Variants in LZIC observed in about 807,000 individuals in gnomAD.
LZIC encodes protein LZIC.
LZIC carries 28 observed loss-of-function variants against 25.4 expected under a neutral mutation model. That is an observed-to-expected ratio of 1.10 (90% CI 0.82 to 1.51). The LOEUF (loss-of-function observed/expected upper bound fraction) is 1.51, where lower values mean the gene tolerates loss of function less well. LZIC is among the 40% of genes most tolerant of loss of function. The pLI is 0.00. For missense variants in LZIC, 170 were observed against 211.1 expected (o/e 0.81, Z 1.21); for synonymous variants, 65 against 70.7 (o/e 0.92, Z 0.40).
intron 2 of LZIC, among the ~76,000 whole-genome samples, chr1:9,940,406 C>T (rs1640661578): frequency 6.6e-6 from 1 of 152,104 alleles, no homozygotes; most frequent in African/African-American, 2.4e-5. Context: ...GTCTCGATCT[C>T]CTGACCTCGT....
At chr1:9,925,096 G>A (rs1054109574), downstream of LZIC, among the ~76,000 whole-genome samples, 8 of 151,100 alleles carry the variant, frequency 5.3e-5, no homozygotes, top group African/African-American at 1.7e-4. Context: ...CAGATCACCT[G>A]AGGTCGGGAC....
Position 9,928,326 on chromosome 1 carries a change from A to G in LZIC, c.*2073T>C, listed in dbSNP as rs1019776032. 6.6e-6 allele frequency among the ~76,000 whole-genome samples: 1 copy of G among 151,684 alleles called. No individual in the cohort carries two copies. The highest frequency in any genetic ancestry group is 1.5e-5 in the Non-Finnish European group (1 of 68,004). On this transcript the variant is annotated 3_prime_UTR_variant, in exon 8 of 8. Coordinates refer to ENST00000377223, the MANE Select transcript of LZIC (RefSeq NM_032368.5). ...AAACTCCATCTCAAAAAACAACGAC[A>G]ACAACAACAACACAACAACAAACGC...
In LZIC at chr1:9,930,133, C is replaced by G; in HGVS notation, c.*266G>C. 1 of 1,207,060 alleles carries G rather than the reference C, an allele frequency of 8.3e-7. No individual in the cohort carries two copies. The highest frequency in any genetic ancestry group is 1.0e-6 in the Non-Finnish European group (1 of 965,510). 74.8% of individuals were successfully genotyped at this position (1,207,060 alleles called of 1,614,324 possible). On this transcript the variant is annotated 3_prime_UTR_variant, in exon 8 of 8. Transcript: ENST00000377223. ...AAAAATCAAGTCCACTTTGTTTTCT[C>G]TCTTAAACAGACAAATCATAACGAA...
In LZIC at chr1:9,932,796, C is replaced by G. The variant is rs1640284318; in HGVS notation, c.432+7G>C. 1 of 1,501,996 alleles carries G rather than the reference C, an allele frequency of 6.7e-7. No homozygotes were observed. The highest frequency in any genetic ancestry group is 9.2e-7 in the Non-Finnish European group (1 of 1,082,200). The allele number at this position is 1,501,996 out of a possible 1,614,324, so 93.0% of individuals were successfully genotyped here. ...TTCTTTGTAACTAATATATTAAATACTGGTACCTTCTCTCCAAGTTTCCTA... is the reference window on the plus strand; with the variant it reads ...TTCTTTGTAACTAATATATTAAATAGTGGTACCTTCTCTCCAAGTTTCCTA... On this transcript the variant is annotated splice_region_variant and intron_variant, in intron 6 of 7. Coordinates refer to ENST00000377223, the MANE Select transcript of LZIC (RefSeq NM_032368.5).
chr1:9,940,278 A>G (rs1325860499), intron 2 of LZIC, among the ~76,000 whole-genome samples: 1 of 151,800 alleles, frequency 6.6e-6, no homozygotes, highest in Middle Eastern at 3.2e-3. Flanking sequence ...CCGGGTTCAC[A>G]CCATTCTCCT....
intron 3 of LZIC, 60 bp downstream of exon 3, chr1:9,936,459 G>T: frequency 4.8e-6 from 5 of 1,044,826 alleles, no homozygotes; most frequent in Non-Finnish European, 7.5e-6. Context: ...CTGCATCCAC[G>T]GAGCTAGCTG....
chr1:9,936,792 A>G (rs536165631), intron 2 of LZIC, among the ~76,000 whole-genome samples, 165 bp from the exon 3 acceptor site: 1 of 152,344 alleles, frequency 6.6e-6, no homozygotes, highest in African/African-American at 2.4e-5. Flanking sequence ...AAGAGGTGGG[A>G]TTATAGGCAT....
chr1:9,932,838 C>T lies in LZIC; in HGVS notation c.397G>A (p.Glu133Lys), dbSNP rs1640286379. ...ERDLYTQQKVEILTALRKLGE... is the reference protein window; with the variant it reads ...ERDLYTQQKVKILTALRKLGE... ...AGTTTCCTAAGAGCTGTTAGTATCT[C>T]CACTTTCTGTTGAGTGTACAGGTCT... Residue 133 changes from glutamate to lysine, a missense_variant, in exon 6 of 8, where the codon GAG becomes AAG. Glu to Lys is a moderately conservative substitution (Grantham distance 56). Transcript: ENST00000377223. The T allele has an allele frequency of 1.2e-6, 2 of 1,612,652 alleles. No individual in the cohort carries two copies. The highest frequency in any genetic ancestry group is 1.7e-6 in the Non-Finnish European group (2 of 1,178,856).
intron 2 of LZIC, among the ~76,000 whole-genome samples, chr1:9,938,429 G>T (rs946132551): frequency 6.6e-6 from 1 of 152,142 alleles, no homozygotes; most frequent in Non-Finnish European, 1.5e-5. Context: ...CCAAAATGCT[G>T]GGATTATAGG....
At chr1:9,940,855 T>C (rs1640692989) in intron 2 of LZIC, among the ~76,000 whole-genome samples, 1 of 152,212 alleles carries the variant, frequency 6.6e-6, no homozygotes, top group Admixed American at 6.5e-5. Flanking sequence ...GTATAATAGT[T>C]TAGTGGATTT....
chr1:9,943,187 G>T (rs959712845), intron 1 of LZIC, 62 bp downstream of exon 1: 1 of 172,824 alleles, frequency 5.8e-6, no homozygotes, highest in Non-Finnish European at 1.3e-5. Context: ...GCTCCAACAG[G>T]CCCCAATTGC....
rs1176225532 is a variant in LZIC, at chr1:9,943,303, T to G, written c.-222A>C. 1 of 154,142 alleles carries G rather than the reference T, an allele frequency of 6.5e-6. No individual in the cohort carries two copies. The highest frequency in any genetic ancestry group is 2.4e-5 in the African/African-American group (1 of 41,482). The allele number at this position is 154,142 out of a possible 1,614,324, so 9.5% of individuals were successfully genotyped here. ...CCCCCGGGATTCCCCCTGTGCCGCCTGACCGCCCGCCAGTCCCAGAGTTTA... is the reference window on the plus strand; with the variant it reads ...CCCCCGGGATTCCCCCTGTGCCGCCGGACCGCCCGCCAGTCCCAGAGTTTA... On this transcript the variant is annotated 5_prime_UTR_variant, in exon 1 of 8. Coordinates refer to ENST00000377223, the MANE Select transcript of LZIC (RefSeq NM_032368.5).
At position 9,929,043 on chromosome 1, in the gene LZIC, C is replaced by T. The variant is rs1640107163; in HGVS notation, c.*1356G>A. 1 of 152,416 alleles carries T rather than the reference C, an allele frequency of 6.6e-6. No individual in the cohort carries two copies. Among genetic ancestry groups the T allele is most frequent in the African/African-American group, 2.4e-5 (1 of 41,352 alleles). The allele number at this position is 152,416 out of a possible 1,614,324, so 9.4% of individuals were successfully genotyped here. A position where few individuals can be genotyped will look rare whatever the true frequency, so the allele number is the denominator to read the frequency against. On this transcript the variant is annotated 3_prime_UTR_variant, in exon 8 of 8. Coordinates refer to ENST00000377223, the MANE Select transcript of LZIC (RefSeq NM_032368.5). Reference sequence around the variant, plus strand: ...CAGTCGGAGGAGAAGGGAATGGGGACTAACTGCTTAATAGGTATAGGGCCT... The same window carrying T: ...CAGTCGGAGGAGAAGGGAATGGGGATTAACTGCTTAATAGGTATAGGGCCT...
intron 5 of LZIC, among the ~76,000 whole-genome samples, chr1:9,933,181 G>GCA: frequency 7.0e-6 from 1 of 143,142 alleles, no homozygotes; most frequent in East Asian, 2.0e-4. Flanking sequence ...TGTGAACCCG[G>GCA]GAGGTGGAGC....
chr1:9,923,853 A>C (rs1639918435), downstream of LZIC, among the ~76,000 whole-genome samples: 1 of 151,728 alleles, frequency 6.6e-6, no homozygotes, highest in Non-Finnish European at 1.5e-5. Context: ...CCCAGGTTCA[A>C]GCGATTCTCC....
In LZIC at chr1:9,927,232, T is replaced by C. The variant is rs1049350813; in HGVS notation, c.*3167A>G. ...CAAAATGAACACATTAATGTGATAA[T>C]TGACAAAATATTTCAGATGCTGGAC... On this transcript the variant is annotated 3_prime_UTR_variant, in exon 8 of 8. Transcript: ENST00000377223. Among the ~76,000 whole-genome samples the C allele has an allele frequency of 7.2e-5, 11 of 152,210 alleles. No homozygotes were observed. The highest frequency in any genetic ancestry group is 1.6e-4 in the Non-Finnish European group (11 of 68,042).
chr1:9,925,118 C>A (rs1355737161), downstream of LZIC, among the ~76,000 whole-genome samples: 1 of 150,774 alleles, frequency 6.6e-6, no homozygotes, highest in South Asian at 2.1e-4. Flanking sequence ...TTGAGACCAG[C>A]CTGGCCAACA....
Position 9,936,603 on chromosome 1 carries a change from T to G in LZIC, c.17A>C (p.Lys6Thr). Reference sequence around the variant, plus strand: ...CTGCTTTAATTTGCTTGTCTCTGTCTTTCCTCTGGAAGCCATTTTAATCTC... The same window carrying G: ...CTGCTTTAATTTGCTTGTCTCTGTCGTTCCTCTGGAAGCCATTTTAATCTC... MASRGKTETSKLKQNL... is the reference protein window; with the variant it reads MASRGTTETSKLKQNL... The change falls in exon 3 of 8, where the codon AAG becomes ACG. Residue 6 changes from lysine (K) to threonine (T), a missense_variant. Transcript: ENST00000377223. 2.5e-6 allele frequency: 4 copies of G among 1,612,820 alleles called. No individual in the cohort carries two copies. The highest frequency in any genetic ancestry group is 3.4e-6 in the Non-Finnish European group (4 of 1,179,074).
rs573596784 is a variant in LZIC at position 9,934,279 on chromosome 1, G to A, written c.336+483C>T. Reference sequence around the variant, plus strand: ...TGTCACATACCTCAGTAGTGAAGCAGGAATTCAAATCCAGCCAGTCTGACC... The same window carrying A: ...TGTCACATACCTCAGTAGTGAAGCAAGAATTCAAATCCAGCCAGTCTGACC... On this transcript the variant is annotated intron_variant, in intron 5 of 7. Coordinates refer to ENST00000377223, the MANE Select transcript of LZIC (RefSeq NM_032368.5). Among the ~76,000 whole-genome samples, 4 of 151,688 alleles carry A rather than the reference G, an allele frequency of 2.6e-5. No individual in the cohort carries two copies. The East Asian group carries it at 7.7e-4, about 29-fold the overall frequency.
Sources: allele counts gnomAD v4.1 joint callset (sites outside exome capture counted in the v4.1 genomes callset), GRCh38; gene constraint gnomAD v4.1.1; transcripts MANE v1.5; gene names NCBI Gene and HGNC (gene_info 2026-07-23, HGNC 2026-07-21).